The following RELN variants were observed in gnomAD, a reference collection of about 807,000 sequenced individuals.
RELN encodes the protein reelin.
RELN carries 108 observed loss-of-function variants against 427.6 expected under a neutral mutation model. The ratio of observed to expected loss-of-function variants is 0.25; its 90% CI spans 0.22 to 0.30. RELN has a LOEUF of 0.30. RELN is among the 10% of genes least tolerant of loss of function. The pLI is 1.00. For synonymous variants in RELN, 1,524 were observed against 1,513.4 expected, an observed-to-expected ratio of 1.01 and a Z score of -0.16; for missense variants, 3,715 against 4,302.8, an observed-to-expected ratio of 0.86 and a Z score of 3.82.
intron 17 of RELN, among the ~76,000 whole-genome samples, chr7:103,639,945 A>G (rs1832664536): frequency 1.3e-5 from 2 of 152,222 alleles, no homozygotes; most frequent in South Asian, 4.1e-4. Context: ...TGGTATAAAC[A>G]TAAAATAATT....
chr7:103,791,802 A>G (rs776083035), intron 3 of RELN, among the ~76,000 whole-genome samples: 1 of 152,146 alleles, frequency 6.6e-6, no homozygotes, highest in Non-Finnish European at 1.5e-5. Flanking sequence ...GACCCACAGA[A>G]TGAGAGAAAA....
intron 10 of RELN, among the ~76,000 whole-genome samples, chr7:103,693,352 G>C (rs1407376323): frequency 6.6e-6 from 1 of 151,550 alleles, no homozygotes; most frequent in African/African-American, 2.4e-5. Flanking sequence ...CGGGGGGTTG[G>C]GGGGCAAGGG....
chr7:103,802,346 G>A (rs1239834529), intron 3 of RELN, among the ~76,000 whole-genome samples: 1 of 152,132 alleles, frequency 6.6e-6, no homozygotes, highest in Non-Finnish European at 1.5e-5. Context: ...ACTGATATTT[G>A]CTTCATATGA....
At chr7:103,762,068 C>T (rs531144165) in intron 4 of RELN, among the ~76,000 whole-genome samples, 1 of 152,150 alleles carries the variant, frequency 6.6e-6, no homozygotes, top group Non-Finnish European at 1.5e-5. Context: ...TATTTCTCAG[C>T]GCCCCCCTAT....
chr7:103,472,438 C>T lies in RELN; in HGVS notation c.*374G>A, dbSNP rs577560786. ...GCCGAAATACAGTCCACTTAAATAG[C>T]TTTGTGACCAAGAATGTTAAATACT... On this transcript the variant is annotated 3_prime_UTR_variant, in exon 65 of 65. Coordinates refer to ENST00000428762, the MANE Select transcript of RELN (RefSeq NM_005045.4). The T allele has an allele frequency of 7.2e-6, 2 of 277,760 alleles. No individual in the cohort carries two copies. The highest frequency in any genetic ancestry group is 2.2e-5 in the African/African-American group (1 of 44,802). 17.2% of individuals were successfully genotyped at this position (277,760 alleles called of 1,614,324 possible).
chr7:103,526,765 C>T (rs1398546181), intron 46 of RELN, among the ~76,000 whole-genome samples: 2 of 152,050 alleles, frequency 1.3e-5, no homozygotes, highest in African/African-American at 4.8e-5. Context: ...CTACTTTCCG[C>T]CTCACAAGGG....
At chr7:103,652,883 T>A in intron 13 of RELN, 124 bp from the exon 14 acceptor site, 1 of 802,290 alleles carries the variant, frequency 1.2e-6, no homozygotes, top group Non-Finnish European at 2.1e-6. Flanking sequence ...CCAGGACACG[T>A]CCTTTGTGTT....
In RELN at chr7:103,640,195, A is replaced by G. The variant is rs1832668915; in HGVS notation, c.2069+348T>C. The stretch of plus-strand genomic sequence containing the variant: ...TCATTACTGATTTTTACAATCATTT[A>G]CAAAGCATGCTAGGAATTACAATGT... On this transcript the variant is annotated intron_variant, in intron 17 of 64. Coordinates refer to ENST00000428762, the MANE Select transcript of RELN (RefSeq NM_005045.4). This position sits in a 1 kb window ranked among gnomAD's most constrained non-coding sequence, Gnocchi z 4.1. 6.6e-6 allele frequency among the ~76,000 whole-genome samples: 1 copy of G among 152,168 alleles called. No individual in the cohort carries two copies. The highest frequency in any genetic ancestry group is 2.1e-4 in the South Asian group (1 of 4,824).
chr7:103,686,118 C>T (rs1316846334), intron 10 of RELN, among the ~76,000 whole-genome samples: 3 of 152,104 alleles, frequency 2.0e-5, no homozygotes, highest in Admixed American at 6.6e-5. Flanking sequence ...ACCATTTATT[C>T]TTTGACGATA....
chr7:103,735,891 T>G (rs1194767158), intron 6 of RELN, among the ~76,000 whole-genome samples: 2 of 152,206 alleles, frequency 1.3e-5, no homozygotes, highest in Admixed American at 1.3e-4. Context: ...CTGAGCCACA[T>G]TCACCAGTAT....
intron 19 of RELN, among the ~76,000 whole-genome samples, chr7:103,632,344 C>G (rs1159801396): frequency 6.6e-6 from 1 of 152,192 alleles, no homozygotes; most frequent in African/African-American, 2.4e-5. Flanking sequence ...GTACCCAGAG[C>G]AGTATCTGGC....
intron 51 of RELN, among the ~76,000 whole-genome samples, chr7:103,505,658 C>T (rs1380327891): frequency 6.6e-6 from 1 of 152,112 alleles, no homozygotes; most frequent in Non-Finnish European, 1.5e-5. Flanking sequence ...CAGAAAATTC[C>T]AAAAGCCAGA....
chr7:103,546,423 C>T (rs1293229186), intron 41 of RELN, among the ~76,000 whole-genome samples: 2 of 152,100 alleles, frequency 1.3e-5, no homozygotes, highest in African/African-American at 4.8e-5. Context: ...TTGGTTGTTT[C>T]CATTTTTTGG....
chr7:103,533,828 A>G (rs1829992842), intron 46 of RELN, among the ~76,000 whole-genome samples: 1 of 152,256 alleles, frequency 6.6e-6, no homozygotes, highest in Non-Finnish European at 1.5e-5. Context: ...GCTTATTTGC[A>G]AAATGTGACT....
At chr7:103,826,364 A>G (rs1376718727) in intron 3 of RELN, among the ~76,000 whole-genome samples, 1 of 100,778 alleles carries the variant, frequency 9.9e-6, no homozygotes, top group Non-Finnish European at 2.5e-5. Flanking sequence ...GTGTGTATAC[A>G]CATACATATT....
intron 28 of RELN, among the ~76,000 whole-genome samples, chr7:103,583,498 G>T (rs1831201076): frequency 6.6e-6 from 1 of 152,152 alleles, no homozygotes; most frequent in Non-Finnish European, 1.5e-5. Flanking sequence ...TCACAAAAAG[G>T]CTGTGACAAG....
intron 4 of RELN, among the ~76,000 whole-genome samples, chr7:103,773,241 G>GTCTC (rs146200837): frequency 0.58 from 38,171 of 65,712 alleles, 11,493 homozygotes; most frequent in African/African-American, 0.75. Context: ...CTCCCTCCCT[G>GTCTC]TCTCTCTCTC....
chr7:103,739,359 C>G (rs191899136), intron 6 of RELN, among the ~76,000 whole-genome samples: 1 of 152,090 alleles, frequency 6.6e-6, no homozygotes, highest in Admixed American at 6.5e-5. Context: ...TTTAGTTATA[C>G]GAGGTTTTCC....
intron 22 of RELN, among the ~76,000 whole-genome samples, chr7:103,604,831 CTTT>C (rs34015200): frequency 2.9e-5 from 4 of 138,708 alleles, no homozygotes; most frequent in Non-Finnish European, 3.1e-5. Context: ...ACCTATCTTT[CTTT>C]TTTTTTTTTT....
Sources: allele counts gnomAD v4.1 joint callset (sites outside exome capture counted in the v4.1 genomes callset), GRCh38; gene constraint gnomAD v4.1.1; non-coding constraint Gnocchi (gnomAD v3.1); transcripts MANE v1.5; gene names NCBI Gene and HGNC (gene_info 2026-07-23, HGNC 2026-07-21).